The following NCAM2 variants were observed in gnomAD, a reference collection of about 807,000 sequenced individuals.
NCAM2 encodes N-CAM-2.
Under a neutral mutation model 98.1 loss-of-function variants are expected in NCAM2, and 30 were observed. The ratio of observed to expected loss-of-function variants is 0.31; its 90% CI spans 0.23 to 0.41. The LOEUF (loss-of-function observed/expected upper bound fraction) is 0.41. Among genes scored for constraint, NCAM2 ranks in the 10% least tolerant of loss-of-function variants. The pLI is 1.00. For synonymous variants in NCAM2, 368 were observed against 342.4 expected (o/e 1.07, Z -0.83); for missense variants, 867 against 1,005.8 (o/e 0.86, Z 1.87).
At chr21:21,397,677 TG>T (rs1308794247) in intron 9 of NCAM2, among the ~76,000 whole-genome samples, 3 of 152,218 alleles carry the variant, frequency 2.0e-5, no homozygotes, top group African/African-American at 7.2e-5. Flanking sequence ...AGAGCGCGAC[TG>T]TGCGGCTGCA....
intron 1 of NCAM2, among the ~76,000 whole-genome samples, chr21:21,153,653 GT>G (rs562871254): frequency 4.5e-4 from 68 of 151,912 alleles, no homozygotes; most frequent in African/African-American, 1.6e-3. Flanking sequence ...ATGGTGGGGG[GT>G]ACCGTGCGAA....
At chr21:21,212,551 A>G (rs1298392985) in intron 1 of NCAM2, among the ~76,000 whole-genome samples, 1 of 152,190 alleles carries the variant, frequency 6.6e-6, no homozygotes, top group African/African-American at 2.4e-5. Context: ...ACACACCCAT[A>G]CACACGTACA....
intron 11 of NCAM2, among the ~76,000 whole-genome samples, chr21:21,423,718 C>A (rs1222811327): frequency 6.6e-6 from 1 of 152,042 alleles, no homozygotes; most frequent in Non-Finnish European, 1.5e-5. Flanking sequence ...CCTATTAAAT[C>A]TCATCTTGTC....
At chr21:21,358,311 C>T (rs1442132388) in intron 8 of NCAM2, among the ~76,000 whole-genome samples, 1 of 152,028 alleles carries the variant, frequency 6.6e-6, no homozygotes, top group Non-Finnish European at 1.5e-5. Flanking sequence ...GAGCCTCACT[C>T]CCTAAGATAT....
intron 15 of NCAM2, among the ~76,000 whole-genome samples, chr21:21,491,100 TATACTC>T (rs1360986041): frequency 1.3e-5 from 2 of 151,804 alleles, no homozygotes; most frequent in East Asian, 1.9e-4. Flanking sequence ...GTAATAAACT[TATACTC>T]ATTAAGTTAC....
At chr21:21,345,406 A>G (rs898675476) in intron 8 of NCAM2, among the ~76,000 whole-genome samples, 3 of 152,138 alleles carry the variant, frequency 2.0e-5, no homozygotes, top group Non-Finnish European at 2.9e-5. Flanking sequence ...TCATAATTCT[A>G]TCAGATCAAT....
chr21:21,509,161 T>G, intron 16 of NCAM2, 106 bp downstream of exon 16: 1 of 1,035,682 alleles, frequency 9.7e-7, no homozygotes, highest in Non-Finnish European at 1.4e-6. Flanking sequence ...GTAAAGAGTT[T>G]GATTATGCAA....
At chr21:21,391,208 AAATAAT>A (rs892864936) in intron 9 of NCAM2, among the ~76,000 whole-genome samples, 4 of 152,126 alleles carry the variant, frequency 2.6e-5, no homozygotes, top group African/African-American at 9.7e-5. Context: ...GTAATAATAG[AAATAAT>A]AATAATATTT....
intron 1 of NCAM2, among the ~76,000 whole-genome samples, chr21:21,071,724 A>G (rs551271444): frequency 1.3e-5 from 2 of 152,314 alleles, no homozygotes; most frequent in South Asian, 4.1e-4. Flanking sequence ...TTGACGAAGT[A>G]TAATTATTCT....
chr21:21,400,698 GCCTC>G (rs2076609178), intron 9 of NCAM2, among the ~76,000 whole-genome samples: 1 of 150,624 alleles, frequency 6.6e-6, no homozygotes, highest in Admixed American at 6.6e-5. Flanking sequence ...TGATTCTCAT[GCCTC>G]AGCCTCCCAA....
chr21:21,243,701 A>G (rs555905214), intron 1 of NCAM2, among the ~76,000 whole-genome samples: 2 of 152,260 alleles, frequency 1.3e-5, no homozygotes, highest in Non-Finnish European at 2.9e-5. Flanking sequence ...AATGCTGCTT[A>G]GAAGATGGAC....
intron 12 of NCAM2, among the ~76,000 whole-genome samples, chr21:21,452,993 TTATATAATATATA>T (rs1981515134): frequency 2.2e-5 from 2 of 92,782 alleles, no homozygotes; most frequent in South Asian, 5.9e-4. Flanking sequence ...ATATATTATA[TTATATAATATATA>T]ATATATAAAA....
chr21:21,424,237 C>G (rs1265606773), intron 11 of NCAM2, among the ~76,000 whole-genome samples: 1 of 152,280 alleles, frequency 6.6e-6, no homozygotes, highest in South Asian at 2.1e-4. Flanking sequence ...GATAACTTGA[C>G]ATTATTTTCA....
chr21:21,261,981 AAG>A (rs2071918947), intron 1 of NCAM2, among the ~76,000 whole-genome samples: 1 of 152,092 alleles, frequency 6.6e-6, no homozygotes, highest in Admixed American at 6.6e-5. Context: ...ACTAAGAAAA[AAG>A]AGCAGATTCA....
intron 1 of NCAM2, among the ~76,000 whole-genome samples, chr21:21,125,353 A>AATATTTTACATATATATGTAATATATT (rs1204064423): frequency 0.061 from 8,739 of 143,922 alleles, 515 homozygotes; most frequent in South Asian, 0.1. Flanking sequence ...GTGGGGAGAT[A>AATATTTTACATATATATGTAATATATT]ATATTTTACA....
intron 10 of NCAM2, among the ~76,000 whole-genome samples, chr21:21,417,617 A>G (rs2145952432): frequency 6.6e-6 from 1 of 152,202 alleles, no homozygotes; most frequent in East Asian, 1.9e-4. Context: ...CAAATCTCTT[A>G]TCTAAATTGA....
At chr21:21,125,136 G>T (rs974787149) in intron 1 of NCAM2, among the ~76,000 whole-genome samples, 1 of 151,656 alleles carries the variant, frequency 6.6e-6, no homozygotes, top group Non-Finnish European at 1.5e-5. Context: ...ATGTAACTCC[G>T]TATTACTGTG....
At chr21:21,317,160 C>T (rs1171870650) in intron 5 of NCAM2, among the ~76,000 whole-genome samples, 1 of 152,094 alleles carries the variant, frequency 6.6e-6, no homozygotes, top group Non-Finnish European at 1.5e-5. Context: ...ACACATTATC[C>T]CCCTCTCAGA....
At chr21:21,139,558 ATTG>A (rs1478134183) in intron 1 of NCAM2, among the ~76,000 whole-genome samples, 2 of 152,188 alleles carry the variant, frequency 1.3e-5, no homozygotes, top group Non-Finnish European at 2.9e-5. Context: ...AAAACATCTA[ATTG>A]TAACAGTCTA....
Sources: allele counts gnomAD v4.1 joint callset (sites outside exome capture counted in the v4.1 genomes callset), GRCh38; gene constraint gnomAD v4.1.1; transcripts MANE v1.5; gene names NCBI Gene and HGNC (gene_info 2026-07-23, HGNC 2026-07-21).